The following GABRG3 variants were observed in gnomAD, a reference collection of about 807,000 sequenced individuals.
GABRG3 encodes the protein gamma-aminobutyric acid receptor subunit gamma-3.
A neutral mutation model predicts 48.8 loss-of-function variants in GABRG3; 25 were observed. That is an observed-to-expected ratio of 0.51 (90% CI 0.37 to 0.72). GABRG3 has a LOEUF of 0.72. Among genes scored for constraint, GABRG3 ranks in the 30% least tolerant of loss-of-function variants. GABRG3 has a pLI of 0.00. For synonymous variants in GABRG3, 227 were observed against 217.6 expected, an observed-to-expected ratio of 1.04 and a Z score of -0.38; for missense variants, 394 against 577.9, an observed-to-expected ratio of 0.68 and a Z score of 3.26.
intron 5 of GABRG3, among the ~76,000 whole-genome samples, chr15:27,403,636 C>T (rs897615893): frequency 6.6e-6 from 1 of 152,082 alleles, no homozygotes. Context: ...AACTCCTGGC[C>T]GGGCTTGGTG....
intron 3 of GABRG3, among the ~76,000 whole-genome samples, chr15:27,303,383 A>G (rs188485476): frequency 2.6e-5 from 4 of 151,916 alleles, no homozygotes; most frequent in African/African-American, 7.2e-5. Context: ...AACACAAACT[A>G]TCAAAGCCTA....
chr15:27,336,208 A>AGAG (rs1893961804), intron 5 of GABRG3, among the ~76,000 whole-genome samples: 3 of 138,682 alleles, frequency 2.2e-5, no homozygotes, highest in South Asian at 2.3e-4. Flanking sequence ...GAAAGAAAGA[A>AGAG]AGAGAGAGAG....
chr15:26,988,792 A>G (rs1446546990), intron 2 of GABRG3, among the ~76,000 whole-genome samples: 1 of 151,812 alleles, frequency 6.6e-6, no homozygotes, highest in African/African-American at 2.4e-5. Flanking sequence ...TAGTGGTTGC[A>G]TTAAAGATTT....
chr15:27,222,710 T>TG (rs11384685), intron 3 of GABRG3, among the ~76,000 whole-genome samples: 53,392 of 152,064 alleles, frequency 0.35, 12,667 homozygotes, highest in African/African-American at 0.66. Context: ...ATTCTTACAT[T>TG]AATTAGATGC....
intron 2 of GABRG3, among the ~76,000 whole-genome samples, chr15:27,018,331 G>T (rs1895816204): frequency 6.6e-6 from 1 of 152,170 alleles, no homozygotes; most frequent in Non-Finnish European, 1.5e-5. Context: ...CTACCCATCA[G>T]AGCTCTGAAG....
chr15:27,452,147 G>A (rs1328286069), intron 5 of GABRG3, among the ~76,000 whole-genome samples: 1 of 152,150 alleles, frequency 6.6e-6, no homozygotes, highest in African/African-American at 2.4e-5. Flanking sequence ...ATCACTAATT[G>A]TCGGGGAAAT....
intron 6 of GABRG3, among the ~76,000 whole-genome samples, chr15:27,514,357 G>A (rs754266184): frequency 1.3e-5 from 2 of 152,184 alleles, no homozygotes; most frequent in African/African-American, 2.4e-5. Flanking sequence ...GGAGTTGGCT[G>A]AGCTTCAGTC....
At chr15:27,136,852 C>G (rs148983691) in intron 3 of GABRG3, among the ~76,000 whole-genome samples, 5 of 152,118 alleles carry the variant, frequency 3.3e-5, no homozygotes, top group African/African-American at 9.7e-5. Context: ...CACATTTCTC[C>G]GATGACTGCT....
chr15:27,347,192 G>A lies in GABRG3; in HGVS notation c.574+18304G>A, dbSNP rs187201702. Among the ~76,000 whole-genome samples the A allele has an allele frequency of 2.0e-3, 307 of 152,244 alleles. 1 individual carries two copies. The highest frequency in any genetic ancestry group is 7.2e-3 in the African/African-American group (297 of 41,538). On this transcript the variant is annotated intron_variant, in intron 5 of 9. Coordinates refer to ENST00000615808, the MANE Select transcript of GABRG3 (RefSeq NM_033223.5). Reference sequence around the variant, plus strand: ...TTCTTTCGACTTTGGGCTTCCCTAGGTACTTCTCCTCACATAGAGTCTGCA... The same window carrying A: ...TTCTTTCGACTTTGGGCTTCCCTAGATACTTCTCCTCACATAGAGTCTGCA...
At chr15:27,097,467 C>G (rs571653158) in intron 3 of GABRG3, among the ~76,000 whole-genome samples, 1 of 151,968 alleles carries the variant, frequency 6.6e-6, no homozygotes, top group Non-Finnish European at 1.5e-5. Context: ...CTCTCCTTCC[C>G]TCCTTCCCTC....
intron 3 of GABRG3, among the ~76,000 whole-genome samples, chr15:27,234,656 A>G (rs1300454279): frequency 6.6e-6 from 1 of 152,266 alleles, no homozygotes; most frequent in South Asian, 2.1e-4. Flanking sequence ...CTCTGGGATG[A>G]TCACCTTTTA....
chr15:27,481,008 G>A (rs1890089026), intron 6 of GABRG3: 5 of 1,368,426 alleles, frequency 3.7e-6, no homozygotes, highest in African/African-American at 1.4e-5. Context: ...GGCTGTGTTT[G>A]CATAATGTCT....
chr15:27,196,547 GC>G, intron 3 of GABRG3, among the ~76,000 whole-genome samples: 1 of 152,256 alleles, frequency 6.6e-6, no homozygotes. Flanking sequence ...CTGCCTCTCT[GC>G]CTTTTCTCCT....
At chr15:27,208,931 T>C (rs74004726) in intron 3 of GABRG3, among the ~76,000 whole-genome samples, 29,905 of 152,076 alleles carry the variant, frequency 0.2, 3,035 homozygotes, top group East Asian at 0.33. Context: ...AATTTCACAT[T>C]TGTATACAAA....
At chr15:27,409,271 A>G (rs1180352762) in intron 5 of GABRG3, among the ~76,000 whole-genome samples, 3 of 152,132 alleles carry the variant, frequency 2.0e-5, no homozygotes, top group Non-Finnish European at 2.9e-5. Flanking sequence ...ATTTTTGTGC[A>G]TGGCATGCAA....
At chr15:27,478,472 A>G (rs1454310400) in intron 5 of GABRG3, among the ~76,000 whole-genome samples, 1 of 152,230 alleles carries the variant, frequency 6.6e-6, no homozygotes, top group East Asian at 1.9e-4. Context: ...CACACCTGCT[A>G]CCATTGTTAT....
intron 3 of GABRG3, among the ~76,000 whole-genome samples, chr15:27,114,446 G>A (rs1052003508): frequency 1.3e-5 from 2 of 152,266 alleles, no homozygotes; most frequent in Non-Finnish European, 2.9e-5. Flanking sequence ...TTCTCCCATG[G>A]TTGGAGATTC....
At chr15:27,102,338 G>A (rs1412298819) in intron 3 of GABRG3, among the ~76,000 whole-genome samples, 1 of 152,186 alleles carries the variant, frequency 6.6e-6, no homozygotes, top group East Asian at 1.9e-4. Context: ...TGACTAATCA[G>A]AATTTCCACG....
chr15:27,465,103 T>C (rs943545594), intron 5 of GABRG3, among the ~76,000 whole-genome samples: 2 of 152,212 alleles, frequency 1.3e-5, no homozygotes, highest in African/African-American at 4.8e-5. Flanking sequence ...TTCCCCAGCC[T>C]GCACGGATCA....
Sources: gnomAD v4.1 joint callset for allele counts (sites outside exome capture counted in the v4.1 genomes callset) on GRCh38, gnomAD v4.1.1 for gene constraint, MANE v1.5 for transcripts, NCBI Gene and HGNC (gene_info 2026-07-23, HGNC 2026-07-21) for gene names.